SYNPR: variants seen among roughly 807,000 people sequenced by gnomAD.
SYNPR encodes synaptoporin.
In SYNPR, 23 loss-of-function variants were observed where a neutral mutation model predicts 32.9. The observed-to-expected ratio is 0.70, with a 90% CI of 0.50 to 0.99. The LOEUF (loss-of-function observed/expected upper bound fraction) is 0.99, where lower values mean the gene tolerates loss of function less well. SYNPR is among the 50% of genes least tolerant of loss of function. The pLI, the probability that SYNPR is intolerant of heterozygous loss-of-function variation, is 0.00. For missense variants in SYNPR, 318 were observed against 349.3 expected, an observed-to-expected ratio of 0.91 and a Z score of 0.71; for synonymous variants, 146 against 135.9, an observed-to-expected ratio of 1.07 and a Z score of -0.52.
In SYNPR at chr3:63,502,724, G is replaced by A. The variant is rs542818536; in HGVS notation, c.209+21768G>A. 1.6e-3 allele frequency among the ~76,000 whole-genome samples: 249 copies of A among 152,144 alleles called. 1 individual carries two copies. The highest frequency in any genetic ancestry group is 5.8e-3 in the African/African-American group (242 of 41,506). On this transcript the variant is annotated intron_variant, in intron 3 of 5. Transcript: ENST00000478300. Reference sequence around the variant, plus strand: ...TTTCTCCATGTCTTTTCTTAGCTTGGTAGCTCCTTTCTTTTTAGCACTTAA... The same window carrying A: ...TTTCTCCATGTCTTTTCTTAGCTTGATAGCTCCTTTCTTTTTAGCACTTAA...
At chr3:63,248,737 A>G (rs1333511430) in intron 1 of SYNPR, among the ~76,000 whole-genome samples, 1 of 152,146 alleles carries the variant, frequency 6.6e-6, no homozygotes, top group Non-Finnish European at 1.5e-5. Context: ...ACCAAAATCC[A>G]TTGTGCTAAT....
intron 2 of SYNPR, among the ~76,000 whole-genome samples, chr3:63,335,185 T>A (rs2087274342): frequency 2.0e-5 from 3 of 151,934 alleles, no homozygotes; most frequent in Admixed American, 1.3e-4. Context: ...AAACCTCGTC[T>A]CTACTGAAAA....
chr3:63,491,041 G>T (rs1701249308), intron 3 of SYNPR, among the ~76,000 whole-genome samples: 1 of 152,142 alleles, frequency 6.6e-6, no homozygotes, highest in Admixed American at 6.5e-5. Context: ...GGGGGTTACA[G>T]GTGGAGCCAC....
chr3:63,500,210 C>T (rs1436686007), intron 3 of SYNPR, among the ~76,000 whole-genome samples: 1 of 152,126 alleles, frequency 6.6e-6, no homozygotes, highest in Non-Finnish European at 1.5e-5. Context: ...TTGAAATGCA[C>T]ACTTTACCCC....
chr3:63,247,393 C>T (rs2086300763), intron 1 of SYNPR, among the ~76,000 whole-genome samples: 1 of 151,972 alleles, frequency 6.6e-6, no homozygotes, highest in African/African-American at 2.4e-5. Context: ...GACAGCTACT[C>T]CCCATGTTTT....
At chr3:63,322,902 C>T (rs570625408) in intron 2 of SYNPR, among the ~76,000 whole-genome samples, 4 of 152,174 alleles carry the variant, frequency 2.6e-5, no homozygotes, top group Admixed American at 2.6e-4. Flanking sequence ...TAAGGGCTCT[C>T]TGTGCTATAG....
At chr3:63,536,657 C>A (rs1230732397) in intron 3 of SYNPR, among the ~76,000 whole-genome samples, 2 of 152,048 alleles carry the variant, frequency 1.3e-5, no homozygotes, top group Non-Finnish European at 2.9e-5. Flanking sequence ...TATGTCCACA[C>A]AAAAATCTGT....
chr3:63,520,707 A>T (rs1701895311), intron 3 of SYNPR, among the ~76,000 whole-genome samples: 1 of 151,426 alleles, frequency 6.6e-6, no homozygotes, highest in Non-Finnish European at 1.5e-5. Context: ...CATCCTCACC[A>T]TCGCCATCAA....
chr3:63,260,190 T>C (rs1426962708), intron 2 of SYNPR, among the ~76,000 whole-genome samples: 2 of 152,210 alleles, frequency 1.3e-5, no homozygotes, highest in African/African-American at 2.4e-5. Context: ...AAGCTACCAA[T>C]GACTTTCTTC....
chr3:63,318,471 C>T (rs546063466), intron 2 of SYNPR, among the ~76,000 whole-genome samples: 29 of 151,786 alleles, frequency 1.9e-4, no homozygotes, highest in Non-Finnish European at 3.7e-4. Context: ...TTTTCTTTGT[C>T]TTTATTGGAT....
intron 2 of SYNPR, among the ~76,000 whole-genome samples, chr3:63,301,004 T>C (rs1483313065): frequency 2.0e-5 from 3 of 152,132 alleles, no homozygotes; most frequent in East Asian, 1.9e-4. Flanking sequence ...GTGTTGGAAA[T>C]AGTTCTATTA....
chr3:63,311,420 C>G (rs1245891585), intron 2 of SYNPR, among the ~76,000 whole-genome samples: 1 of 151,922 alleles, frequency 6.6e-6, no homozygotes, highest in Admixed American at 6.6e-5. Flanking sequence ...GGCCAAAGAC[C>G]ACTATGAGCA....
chr3:63,258,016 G>A (rs1323097430), intron 2 of SYNPR, among the ~76,000 whole-genome samples: 1 of 152,106 alleles, frequency 6.6e-6, no homozygotes, highest in Admixed American at 6.5e-5. Context: ...AACAAGAAGA[G>A]CTAACTATCC....
chr3:63,610,359 A>G, intron 5 of SYNPR: 1 of 478,146 alleles, frequency 2.1e-6, no homozygotes, highest in Non-Finnish European at 3.8e-6. Flanking sequence ...TAATGGCAGC[A>G]AAAAGCAGCG....
At chr3:63,502,229 A>G (rs1701494801) in intron 3 of SYNPR, among the ~76,000 whole-genome samples, 2 of 151,962 alleles carry the variant, frequency 1.3e-5, no homozygotes, top group Non-Finnish European at 2.9e-5. Context: ...GGACTTTTTT[A>G]GACTTCATTT....
intron 2 of SYNPR, among the ~76,000 whole-genome samples, chr3:63,419,214 C>T (rs2088577485): frequency 6.6e-6 from 1 of 152,212 alleles, no homozygotes; most frequent in East Asian, 1.9e-4. Flanking sequence ...ACTCAGCCCA[C>T]CTGAGTTCTA....
chr3:63,396,828 A>G (rs2088220367), intron 2 of SYNPR, among the ~76,000 whole-genome samples: 1 of 152,134 alleles, frequency 6.6e-6, no homozygotes, highest in African/African-American at 2.4e-5. Context: ...ACATTGGCCG[A>G]GCGCGGTGGC....
intron 2 of SYNPR, among the ~76,000 whole-genome samples, chr3:63,320,577 C>T (rs1403211409): frequency 1.3e-5 from 2 of 151,982 alleles, no homozygotes; most frequent in Non-Finnish European, 2.9e-5. Context: ...TCTAGTTCCC[C>T]CACTTATGTC....
chr3:63,203,068 G>GTGTGTATGTATATATATATATA, the SYNPR span: 1 of 108,578 alleles, frequency 9.2e-6, no homozygotes, highest in African/African-American at 4.6e-5. Flanking sequence ...ATATGTATGT[G>GTGTGTATGTATATATATATATA]TATATATATA....
Sources: gnomAD v4.1 joint callset for allele counts (sites outside exome capture counted in the v4.1 genomes callset) on GRCh38, gnomAD v4.1.1 for gene constraint, MANE v1.5 for transcripts, NCBI Gene and HGNC (gene_info 2026-07-23, HGNC 2026-07-21) for gene names.